Variants in NEB observed in about 807,000 individuals in gnomAD.
NEB encodes nemaline myopathy type 2.
In NEB, 512 loss-of-function variants were observed where a neutral mutation model predicts 952.2. The observed-to-expected ratio is 0.54, with a 90% CI of 0.50 to 0.58. The LOEUF (loss-of-function observed/expected upper bound fraction) is 0.58, where lower values mean the gene tolerates loss of function less well. Ranked by LOEUF, NEB falls within the 20% of genes least tolerant of loss-of-function variation. The pLI, the probability that NEB is intolerant of heterozygous loss-of-function variation, is 0.00. For synonymous variants in NEB, 2,900 were observed against 3,149.8 expected (o/e 0.92, Z 2.66); for missense variants, 8,428 against 9,231.1 (o/e 0.91, Z 3.56).
chr2:151,637,324 G>A (rs573030690), intron 63 of NEB, among the ~76,000 whole-genome samples: 1 of 152,274 alleles, frequency 6.6e-6, no homozygotes, highest in African/African-American at 2.4e-5. Context: ...AGGAAATCAC[G>A]TGAATCAAGG....
At chr2:151,610,997 C>A (rs970527839) in intron 78 of NEB, 131 bp from the exon 79 acceptor site, 1 of 578,610 alleles carries the variant, frequency 1.7e-6, no homozygotes, top group South Asian at 3.1e-5. Context: ...CCTTCTAATG[C>A]TTTTGGGAGG....
rs1281528523 is a variant in NEB, at chr2:151,663,680, A to G, written c.5631T>C (p.Ser1877=). ...CCTGAGACTTCTTGGCTGCCACCAC[A>G]CTGAGCATGTCCACCGGGGTGTGGA... The part of the protein sequence containing the change: ...TSFHTPVDML[S]VVAAKKSQEV... Residue 1877 remains serine, a synonymous_variant, in exon 45 of 182, where the codon AGT becomes AGC. Transcript: ENST00000397345. The G allele has an allele frequency of 6.2e-7, 1 of 1,613,758 alleles. No individual in the cohort carries two copies. The highest frequency in any genetic ancestry group is 1.1e-5 in the South Asian group (1 of 91,074).
intron 164 of NEB, 33 bp from the exon 165 acceptor site, chr2:151,505,603 T>A (rs764024916): frequency 1.2e-5 from 18 of 1,516,248 alleles, no homozygotes; most frequent in Admixed American, 1.7e-5. Context: ...AGAAAGGTAT[T>A]ATTACATGCT....
intron 138 of NEB, 36 bp downstream of exon 138, chr2:151,540,308 C>A: frequency 7.7e-7 from 1 of 1,290,800 alleles, no homozygotes; most frequent in Non-Finnish European, 1.1e-6. Context: ...TCAGCTCTCC[C>A]CATCACAACA....
Position 151,636,274 on chromosome 2 carries a change from C to T in NEB, c.9055G>A (p.Ala3019Thr), listed in dbSNP as rs370738668. The change falls in exon 64 of 182, where the codon GCC (alanine) becomes ACC (threonine). Residue 3019 changes from alanine (A) to threonine (T), a missense_variant. Ala to Thr is a moderately conservative substitution (Grantham distance 58, BLOSUM62 0). Transcript: ENST00000397345. The stretch of plus-strand genomic sequence containing the variant: ...GCCTTGGCCGCCACGATGGGGATGG[C>T]GTCGCTTCGCAAGTCATAGCCTTTC... ...KKKGYDLRSDAIPIVAAKASR... is the reference protein window; with the variant it reads ...KKKGYDLRSDTIPIVAAKASR... 127 of 1,609,944 alleles carry T rather than the reference C, an allele frequency of 7.9e-5. 1 individual carries two copies. The highest frequency in any genetic ancestry group is 1.0e-4 in the Non-Finnish European group (118 of 1,179,714).
intron 39 of NEB, among the ~76,000 whole-genome samples, chr2:151,668,398 T>G (rs1267966813): frequency 6.6e-6 from 1 of 152,082 alleles, no homozygotes; most frequent in Non-Finnish European, 1.5e-5. Flanking sequence ...TTCCCCTTAA[T>G]GAAACAAAAG....
chr2:151,655,175 T>G, intron 51 of NEB, 95 bp downstream of exon 51: 1 of 739,118 alleles, frequency 1.4e-6, no homozygotes, highest in Non-Finnish European at 2.1e-6. Context: ...AAACTTCCAT[T>G]GCTTCAACAT....
rs2153752870 is a variant in NEB, at chr2:151,570,174, G to A, written c.17337C>T (p.Asp5779=). 6.2e-7 allele frequency: 1 copy of A among 1,613,618 alleles called. No homozygotes were observed. The highest frequency in any genetic ancestry group is 2.2e-5 in the East Asian group (1 of 44,814). Residue 5779 remains aspartate, a synonymous_variant, in exon 109 of 182, where the codon GAC becomes GAT. Coordinates refer to ENST00000397345, the MANE Select transcript of NEB (RefSeq NM_001164508.2). ...GGTGCAGGTAATTGCGGTAATCCAT[G>A]TCACTGACCAGAGCCTGGGAATTTT... ...HSKNSQALVS[D]MDYRNYLHQW... is the part of the protein sequence containing the mutation.
Position 151,665,472 on chromosome 2 carries a change from T to A in NEB, c.5099A>T (p.Glu1700Val). 6.2e-7 allele frequency: 1 copy of A among 1,613,060 alleles called. No homozygotes were observed. Among genetic ancestry groups the A allele is most frequent in the East Asian group, 2.2e-5 (1 of 44,864 alleles). The change falls in exon 42 of 182, where the codon GAG (glutamate) becomes GTG (valine). Residue 1700 changes from glutamate to valine, a missense_variant. Physicochemically the swap from Glu to Val is moderately radical, Grantham distance 121. Coordinates refer to ENST00000397345, the MANE Select transcript of NEB (RefSeq NM_001164508.2). ...TCCTGCTTTCTTTGCCTTCTCCACCTCCAGGGACTCTATGGGCACCCAGCC... is the reference window on the plus strand; with the variant it reads ...TCCTGCTTTCTTTGCCTTCTCCACCACCAGGGACTCTATGGGCACCCAGCC... ...GIGWVPIESL[E>V]VEKAKKAGEI...
chr2:151,562,739 C>G lies in NEB; in HGVS notation c.18763G>C (p.Val6255Leu). 2 of 1,601,832 alleles carry G rather than the reference C, an allele frequency of 1.2e-6. No homozygotes were observed. The highest frequency in any genetic ancestry group is 8.5e-7 in the Non-Finnish European group (1 of 1,173,570). Residue 6255 changes from valine (V) to leucine (L), a missense_variant, in exon 120 of 182, where the codon GTG (valine) becomes CTG (leucine). This residue lies in a region of NEB where 3,374 missense variants were observed against 3,651.5 expected (regional missense o/e 0.92). Transcript: ENST00000397345. ...VHIPNDMMNH[V>L]LAKRCQYILS... is the part of the protein sequence containing the mutation. ...ATGTACTGGCACCTTTTAGCCAGCA[C>G]GTGATTCATCATGTCATTGGGGATA...
intron 28 of NEB, among the ~76,000 whole-genome samples, chr2:151,683,546 G>A (rs1559211024): frequency 6.6e-6 from 1 of 152,098 alleles, no homozygotes; most frequent in Non-Finnish European, 1.5e-5. Flanking sequence ...TATTTGAGAT[G>A]AAAAAACATA....
At chr2:151,488,530 T>C (rs1341812521) in intron 181 of NEB, among the ~76,000 whole-genome samples, 1 of 151,444 alleles carries the variant, frequency 6.6e-6, no homozygotes, top group African/African-American at 2.4e-5. Flanking sequence ...CCTGTAGTCC[T>C]AGCTATTCTG....
chr2:151,624,801 G>T (rs1296794413), intron 71 of NEB, among the ~76,000 whole-genome samples: 1 of 151,996 alleles, frequency 6.6e-6, no homozygotes, highest in Non-Finnish European at 1.5e-5. Context: ...ATACATTTTT[G>T]ACTTTGGCAA....
intron 176 of NEB, 116 bp from the exon 177 acceptor site, chr2:151,492,610 G>C (rs879109963): frequency 4.6e-6 from 3 of 646,744 alleles, no homozygotes; most frequent in Admixed American, 3.2e-5. Context: ...CAACTGAAGG[G>C]GCCCAGTGAG....
Position 151,650,285 on chromosome 2 carries a change from A to T in NEB, c.7322T>A (p.Ile2441Asn), listed in dbSNP as rs1181017580. ...CTGACGATATTTCTTCTCACTGATG[A>T]TTTCCGAAGCCCGCTTGTTCTTTTC... is the stretch of plus-strand genomic sequence containing the variant. The part of the protein sequence containing the change: ...EAEKNKRASE[I>N]ISEKKYRQPP... The change falls in exon 54 of 182, where the codon ATC (isoleucine) becomes AAC (asparagine). Residue 2441 changes from isoleucine to asparagine, a missense_variant. Coordinates refer to ENST00000397345, the MANE Select transcript of NEB (RefSeq NM_001164508.2). The T allele has an allele frequency of 2.5e-6, 4 of 1,613,716 alleles. No homozygotes were observed. The African/African-American group carries it at 4.0e-5, about 16-fold the overall frequency.
At chr2:151,554,783 C>G in intron 125 of NEB, 148 bp downstream of exon 125, 2 of 686,864 alleles carry the variant, frequency 2.9e-6, no homozygotes, top group Non-Finnish European at 5.2e-6. Context: ...ACATGCTGTA[C>G]AGGTTTGTAG....
chr2:151,687,015 AG>A (rs561494024), intron 27 of NEB, among the ~76,000 whole-genome samples: 65 of 152,300 alleles, frequency 4.3e-4, no homozygotes, highest in African/African-American at 1.5e-3. Flanking sequence ...AAGTCAATGA[AG>A]AACGATACTC....
intron 168 of NEB, among the ~76,000 whole-genome samples, chr2:151,499,911 TG>T (rs1261122969): frequency 2.6e-5 from 4 of 152,196 alleles, no homozygotes; most frequent in African/African-American, 9.6e-5. Context: ...TATGCACCAC[TG>T]GGCAATTTTG....
rs1183374056 is a variant in NEB at position 151,643,902 on chromosome 2, G to A, written c.7872C>T (p.Tyr2624=). ...ATGTCCACTGGTGCAGGTAGTTCTT[G>A]TAGTCCACGTCGCTGACTAAGGTCT... ...KCQTLVSDVD[Y]KNYLHQWTCL... The change falls in exon 57 of 182, where the codon TAC becomes TAT. Residue 2624 remains tyrosine, a synonymous_variant. Transcript: ENST00000397345. 17 of 1,613,966 alleles carry A rather than the reference G, an allele frequency of 1.1e-5. No individual in the cohort carries two copies. Among genetic ancestry groups the A allele is most frequent in the Middle Eastern group, 1.6e-4 (1 of 6,062 alleles).
Sources: gnomAD v4.1 joint callset for allele counts (sites outside exome capture counted in the v4.1 genomes callset) on GRCh38, gnomAD v4.1.1 for gene constraint, gnomAD v4.1.1 regional missense constraint, MANE v1.5 for transcripts, NCBI Gene and HGNC (gene_info 2026-07-23, HGNC 2026-07-21) for gene names.